Variants in STN1 observed in about 807,000 individuals in gnomAD.
The protein encoded by STN1 is CST complex subunit STN1.
Under a neutral mutation model 45.5 loss-of-function variants are expected in STN1, and 29 were observed. That is an observed-to-expected ratio of 0.64 (90% CI 0.47 to 0.87). STN1 has a LOEUF of 0.87. STN1 is among the 40% of genes least tolerant of loss of function. STN1 has a pLI of 0.00. For missense variants in STN1, 376 were observed against 441.4 expected (o/e 0.85, Z 1.33); for synonymous variants, 148 against 159.0 (o/e 0.93, Z 0.52).
intron 8 of STN1, among the ~76,000 whole-genome samples, chr10:103,890,817 G>C (rs543113075): frequency 1.3e-5 from 2 of 152,324 alleles, no homozygotes; most frequent in East Asian, 3.9e-4. Flanking sequence ...AAAGCTCCCC[G>C]TCAGGAATCT....
rs575358532 is a variant in STN1, at chr10:103,917,403, G to C, written c.133+59C>G. ...AAAGCCTCTAATCCCAGCTTTCTGA[G>C]ACTTTGGGAAAGGGTGGCAGATGCA... On this transcript the variant is annotated intron_variant, in intron 2 of 9. Transcript: ENST00000224950. The C allele has an allele frequency of 1.1e-5, 17 of 1,555,606 alleles. No homozygotes were observed. The East Asian group carries it at 3.4e-4, about 31-fold the overall frequency.
At position 103,910,519 on chromosome 10, in the gene STN1, G is replaced by T. The variant is rs765671118; in HGVS notation, c.229+8C>A. The T allele has an allele frequency of 7.0e-6, 11 of 1,571,456 alleles. No homozygotes were observed. In the Admixed American group the frequency reaches 1.8e-4, roughly 26 times the overall value. ...CATCAACTTCATTTCAGACACAATT[G>T]TTCTTACCTCCATAACTGTAGAAAG... is the stretch of plus-strand genomic sequence containing the variant. On this transcript the variant is annotated splice_region_variant and intron_variant, in intron 3 of 9. Transcript: ENST00000224950.
In STN1 at chr10:103,897,983, A is replaced by C. The variant is rs531117398; in HGVS notation, c.582-264T>G. On this transcript the variant is annotated intron_variant, in intron 6 of 9. Coordinates refer to ENST00000224950, the MANE Select transcript of STN1 (RefSeq NM_024928.5). ...TAAGGTATGGTCCTATTTTTATATAAAAAAAATGGAAACCCACAAAATCTA... is the reference window on the plus strand; with the variant it reads ...TAAGGTATGGTCCTATTTTTATATACAAAAAATGGAAACCCACAAAATCTA... 4.0e-4 allele frequency among the ~76,000 whole-genome samples: 61 copies of C among 152,198 alleles called. 1 individual carries two copies. The highest frequency in any genetic ancestry group is 1.7e-3 in the Admixed American group (26 of 15,294).
chr10:103,916,540 TCA>T (rs1843332480), intron 2 of STN1, among the ~76,000 whole-genome samples: 3 of 152,232 alleles, frequency 2.0e-5, no homozygotes, highest in African/African-American at 7.2e-5. Context: ...AAACCTTATC[TCA>T]TTAAAACTGT....
At chr10:103,906,876 A>C (rs1187587569) in intron 3 of STN1, among the ~76,000 whole-genome samples, 1 of 152,264 alleles carries the variant, frequency 6.6e-6, no homozygotes, top group Non-Finnish European at 1.5e-5. Context: ...AAATACTGAT[A>C]CCCTCATATG....
At chr10:103,898,174 T>C (rs1843183833) in intron 6 of STN1, 1 of 153,484 alleles carries the variant, frequency 6.5e-6, no homozygotes, top group Non-Finnish European at 1.4e-5. Context: ...TTTAATATAC[T>C]TTTTTGAATA....
At position 103,914,374 on chromosome 10, in the gene STN1, A is replaced by ATATTTT. The variant is rs1554837551; in HGVS notation, c.133+3087_133+3088insAAAATA. ...TATATATATATATATATATATATAT[A>ATATTTT]TTTTTTTTTTTTTTTTTTGAGACAG... On this transcript the variant is annotated intron_variant, in intron 2 of 9. Coordinates refer to ENST00000224950, the MANE Select transcript of STN1 (RefSeq NM_024928.5). Among the ~76,000 whole-genome samples the ATATTTT allele has an allele frequency of 1.8e-4, 18 of 97,418 alleles. 1 individual carries two copies. Among genetic ancestry groups the ATATTTT allele is most frequent in the African/African-American group, 8.8e-4 (18 of 20,414 alleles). 63.9% of individuals were successfully genotyped at this position (97,418 alleles called of 152,430 possible). A position where few individuals can be genotyped will look rare whatever the true frequency, so the allele number is the denominator to read the frequency against.
At chr10:103,895,394 G>A (rs117025363) in intron 7 of STN1, among the ~76,000 whole-genome samples, 1,866 of 152,198 alleles carry the variant, frequency 0.012, 118 homozygotes, top group Admixed American at 0.095. Context: ...TATGGTCTTC[G>A]CTAAGCTTTA....
chr10:103,911,121 C>T (rs1843288134), intron 2 of STN1, among the ~76,000 whole-genome samples: 1 of 151,544 alleles, frequency 6.6e-6, no homozygotes, highest in Non-Finnish European at 1.5e-5. Flanking sequence ...TTACAAAACG[C>T]TACCCTTTGG....
At chr10:103,907,246 A>G (rs528304758) in intron 3 of STN1, among the ~76,000 whole-genome samples, 149 of 152,380 alleles carry the variant, frequency 9.8e-4, no homozygotes, top group African/African-American at 3.2e-3. Flanking sequence ...TCTTTATAAT[A>G]CTGACACTTG....
At chr10:103,887,875 G>T (rs1341987332) in intron 9 of STN1, among the ~76,000 whole-genome samples, 1 of 152,190 alleles carries the variant, frequency 6.6e-6, no homozygotes, top group Non-Finnish European at 1.5e-5. Context: ...ATAAGAACCT[G>T]GCCAGGAGGC....
intron 9 of STN1, among the ~76,000 whole-genome samples, chr10:103,885,020 G>A (rs977511839): frequency 5.9e-5 from 9 of 152,124 alleles, no homozygotes; most frequent in Admixed American, 1.3e-4. Context: ...CAGACCTGGA[G>A]CTGCCACTGG....
intron 8 of STN1, among the ~76,000 whole-genome samples, chr10:103,889,584 A>G (rs1205518270): frequency 1.1e-5 from 1 of 92,386 alleles, no homozygotes; most frequent in Non-Finnish European, 2.5e-5. Context: ...AAAAGGAGAA[A>G]AAAAAAAAAA....
At chr10:103,915,264 A>G (rs1843323898) in intron 2 of STN1, among the ~76,000 whole-genome samples, 12 of 152,214 alleles carry the variant, frequency 7.9e-5, no homozygotes, top group Admixed American at 7.9e-4. Flanking sequence ...GATTGGCCAC[A>G]TAACTGAACT....
At position 103,881,955 on chromosome 10, in the gene STN1, G is replaced by A. The variant is rs1843071944; in HGVS notation, c.*729C>T. Among the ~76,000 whole-genome samples, 1 of 152,184 alleles carries A rather than the reference G, an allele frequency of 6.6e-6. No homozygotes were observed. Among genetic ancestry groups the A allele is most frequent in the Non-Finnish European group, 1.5e-5 (1 of 68,042 alleles). On this transcript the variant is annotated 3_prime_UTR_variant, in exon 10 of 10. Coordinates refer to ENST00000224950, the MANE Select transcript of STN1 (RefSeq NM_024928.5). Reference sequence around the variant, plus strand: ...CAGGCAATTGGCTGACTGCCTCCGTGATCTTCAGGGGCATCGAGGGACAAT... The same window carrying A: ...CAGGCAATTGGCTGACTGCCTCCGTAATCTTCAGGGGCATCGAGGGACAAT...
In STN1 at chr10:103,898,874, T is replaced by TA. The variant is rs1189588774; in HGVS notation, c.581+2dup. 6.2e-7 allele frequency: 1 copy of TA among 1,613,706 alleles called. No individual in the cohort carries two copies. Among genetic ancestry groups the TA allele is most frequent in the Admixed American group, 1.7e-5 (1 of 60,022 alleles). ...TGCTCAGCAGTGATAAGTCACCACT[T>TA]ACCTTAGTGCCTCTTCTTTCTCTAG... On this transcript the variant is annotated splice_region_variant and intron_variant, in intron 6 of 9. Transcript: ENST00000224950.
At chr10:103,885,653 G>A (rs537861342) in intron 9 of STN1, among the ~76,000 whole-genome samples, 1 of 152,250 alleles carries the variant, frequency 6.6e-6, no homozygotes, top group African/African-American at 2.4e-5. Flanking sequence ...ATCCTCCCAA[G>A]CATTGGGATT....
At chr10:103,906,173 G>T (rs1843239366) in intron 3 of STN1, among the ~76,000 whole-genome samples, 1 of 152,050 alleles carries the variant, frequency 6.6e-6, no homozygotes, top group Admixed American at 6.5e-5. Context: ...ATATAAAAAA[G>T]GTAAACTTAA....
At chr10:103,891,434 T>C (rs1354565009) in intron 8 of STN1, among the ~76,000 whole-genome samples, 4 of 152,202 alleles carry the variant, frequency 2.6e-5, no homozygotes, top group African/African-American at 9.7e-5. Context: ...TACCCGGCAA[T>C]GTCCAGGGAC....
Sources: allele counts gnomAD v4.1 joint callset (sites outside exome capture counted in the v4.1 genomes callset), GRCh38; gene constraint gnomAD v4.1.1; transcripts MANE v1.5; gene names NCBI Gene and HGNC (gene_info 2026-07-23, HGNC 2026-07-21).